Variants in PCDH9 observed in about 807,000 individuals in gnomAD.
PCDH9 encodes the protein protocadherin 9.
A neutral mutation model predicts 70.6 loss-of-function variants in PCDH9; 24 were observed. The ratio of observed to expected loss-of-function variants is 0.34; its 90% CI spans 0.25 to 0.48. The LOEUF is 0.48. Ranked by LOEUF, PCDH9 falls within the 20% of genes least tolerant of loss-of-function variation. PCDH9 has a pLI of 0.99. For missense variants in PCDH9, 1,281 were observed against 1,503.6 expected (o/e 0.85, Z 2.45); for synonymous variants, 562 against 558.5 (o/e 1.01, Z -0.09).
At chr13:66,798,073 G>A (rs1361076623) in intron 3 of PCDH9, among the ~76,000 whole-genome samples, 2 of 151,672 alleles carry the variant, frequency 1.3e-5, no homozygotes, top group African/African-American at 4.8e-5. Flanking sequence ...AAATGACAGA[G>A]GATAAAAAGA....
At chr13:66,650,921 A>G (rs1165443207) in intron 3 of PCDH9, among the ~76,000 whole-genome samples, 1 of 151,966 alleles carries the variant, frequency 6.6e-6, no homozygotes, top group African/African-American at 2.4e-5. Flanking sequence ...TAAATAATAC[A>G]TGCCTGAATG....
chr13:66,432,007 A>G (rs1428342146), intron 4 of PCDH9, among the ~76,000 whole-genome samples: 2 of 152,020 alleles, frequency 1.3e-5, no homozygotes, highest in African/African-American at 4.8e-5. Flanking sequence ...TGTGCTTACA[A>G]TGGCAAGTGT....
chr13:66,781,198 T>A (rs1214999939), intron 3 of PCDH9, among the ~76,000 whole-genome samples: 4 of 152,180 alleles, frequency 2.6e-5, no homozygotes, highest in African/African-American at 9.6e-5. Context: ...TTTATTTAAA[T>A]TAGGATTGAA....
At chr13:66,383,300 T>C (rs1956877847) in intron 4 of PCDH9, among the ~76,000 whole-genome samples, 1 of 152,222 alleles carries the variant, frequency 6.6e-6, no homozygotes, top group Non-Finnish European at 1.5e-5. Flanking sequence ...GTACATATTT[T>C]ACTCTCATAA....
intron 4 of PCDH9, among the ~76,000 whole-genome samples, chr13:66,592,367 T>G (rs1319889795): frequency 3.3e-5 from 5 of 151,644 alleles, no homozygotes; most frequent in African/African-American, 7.2e-5. Context: ...AATATTCTAT[T>G]TCATGCTTTC....
intron 3 of PCDH9, among the ~76,000 whole-genome samples, chr13:66,896,360 GTTT>G (rs2082178710): frequency 1.3e-5 from 2 of 149,584 alleles, no homozygotes; most frequent in African/African-American, 4.9e-5. Flanking sequence ...AATGTATGCT[GTTT>G]TTAATAATAA....
At chr13:67,074,817 A>G (rs1398129829) in intron 2 of PCDH9, among the ~76,000 whole-genome samples, 6 of 152,176 alleles carry the variant, frequency 3.9e-5, no homozygotes, top group Non-Finnish European at 7.3e-5. Context: ...TTAATAAGCA[A>G]AAAAGTTATA....
At chr13:66,691,200 C>A (rs2078480012) in intron 3 of PCDH9, among the ~76,000 whole-genome samples, 1 of 151,996 alleles carries the variant, frequency 6.6e-6, no homozygotes, top group Non-Finnish European at 1.5e-5. Context: ...CCATGCCTAG[C>A]TAATTTTTGT....
At chr13:66,401,524 T>C (rs1957187293) in intron 4 of PCDH9, among the ~76,000 whole-genome samples, 1 of 152,126 alleles carries the variant, frequency 6.6e-6, no homozygotes, top group Non-Finnish European at 1.5e-5. Context: ...CTCAGGTATG[T>C]CTTTATTAGC....
chr13:67,194,331 G>A (rs1200591204), intron 2 of PCDH9, among the ~76,000 whole-genome samples: 2 of 151,328 alleles, frequency 1.3e-5, no homozygotes, highest in Non-Finnish European at 2.9e-5. Flanking sequence ...ATTCAATCAT[G>A]ACTGTGGAAA....
chr13:66,542,968 G>C (rs1374197859), intron 4 of PCDH9, among the ~76,000 whole-genome samples: 1 of 151,382 alleles, frequency 6.6e-6, no homozygotes, highest in Non-Finnish European at 1.5e-5. Flanking sequence ...AAATTAATAT[G>C]TGTGTGTAGA....
chr13:66,821,846 T>C (rs9592488), intron 3 of PCDH9, among the ~76,000 whole-genome samples: 53,381 of 152,072 alleles, frequency 0.35, 10,063 homozygotes, highest in Non-Finnish European at 0.43. Context: ...ATGTTAATTT[T>C]GCCTGGAGAC....
intron 4 of PCDH9, among the ~76,000 whole-genome samples, chr13:66,405,720 G>T (rs1393994886): frequency 1.3e-5 from 2 of 152,166 alleles, no homozygotes; most frequent in African/African-American, 2.4e-5. Context: ...TAGGAGGACA[G>T]AATGTTTCTA....
At chr13:66,386,642 A>G (rs1956935010) in intron 4 of PCDH9, among the ~76,000 whole-genome samples, 2 of 152,100 alleles carry the variant, frequency 1.3e-5, no homozygotes, top group African/African-American at 2.4e-5. Context: ...ATGCATTCCA[A>G]AAGTTATGGG....
At chr13:66,931,604 T>C (rs1383783724) in intron 2 of PCDH9, among the ~76,000 whole-genome samples, 1 of 152,148 alleles carries the variant, frequency 6.6e-6, no homozygotes, top group Non-Finnish European at 1.5e-5. Flanking sequence ...ATGCAAATGC[T>C]ATCACTCATA....
At chr13:66,544,657 G>C (rs185577198) in intron 4 of PCDH9, among the ~76,000 whole-genome samples, 1 of 152,086 alleles carries the variant, frequency 6.6e-6, no homozygotes, top group African/African-American at 2.4e-5. Context: ...TTAAGGAGTG[G>C]TTTAATGTAA....
At chr13:66,453,015 C>G (rs1261582387) in intron 4 of PCDH9, among the ~76,000 whole-genome samples, 1 of 152,142 alleles carries the variant, frequency 6.6e-6, no homozygotes, top group African/African-American at 2.4e-5. Context: ...ACCACCCTAC[C>G]AGCCCTCATG....
chr13:66,868,232 A>G (rs1041311385), intron 3 of PCDH9, among the ~76,000 whole-genome samples: 4 of 152,030 alleles, frequency 2.6e-5, no homozygotes, highest in Admixed American at 6.6e-5. Context: ...GTCTATGAAG[A>G]TAACAGTACA....
intron 4 of PCDH9, among the ~76,000 whole-genome samples, chr13:66,426,027 G>A (rs377657136): frequency 3.2e-4 from 49 of 151,640 alleles, no homozygotes; most frequent in African/African-American, 1.1e-3. Flanking sequence ...TCATCATGAC[G>A]TCATGTTATG....
Sources: gnomAD v4.1 joint callset for allele counts (sites outside exome capture counted in the v4.1 genomes callset) on GRCh38, gnomAD v4.1.1 for gene constraint, MANE v1.5 for transcripts, NCBI Gene and HGNC (gene_info 2026-07-23, HGNC 2026-07-21) for gene names.